IGF2BP2: variants seen among roughly 807,000 people sequenced by gnomAD.
IGF2BP2 encodes insulin like growth factor 2 mRNA binding protein 2.
In IGF2BP2, 17 loss-of-function variants were observed where a neutral mutation model predicts 75.8. The ratio of observed to expected loss-of-function variants is 0.22; its 90% CI spans 0.15 to 0.34. The LOEUF (loss-of-function observed/expected upper bound fraction) is 0.34. Among genes scored for constraint, IGF2BP2 ranks in the 10% least tolerant of loss-of-function variants. The probability of loss-of-function intolerance (pLI) is 1.00; values close to 1 mark genes in which losing one functional copy is unlikely to be tolerated. For synonymous variants in IGF2BP2, 288 were observed against 295.6 expected (o/e 0.97, Z 0.26); for missense variants, 516 against 772.4 (o/e 0.67, Z 3.93).
Position 185,647,604 on chromosome 3 carries a change from A to C in IGF2BP2, c.1594-466T>G, listed in dbSNP as rs1713815890. On this transcript the variant is annotated intron_variant, in intron 14 of 15. Coordinates refer to ENST00000382199, the MANE Select transcript of IGF2BP2 (RefSeq NM_006548.6). The surrounding 1 kb of genome is among the most constrained non-coding windows in gnomAD (Gnocchi z 4.9). ...CTGCTGTTCCCTCCTCCTCGTTTTCACTCCTGCCGCCAAGACTTGCTCATG... is the reference window on the plus strand; with the variant it reads ...CTGCTGTTCCCTCCTCCTCGTTTTCCCTCCTGCCGCCAAGACTTGCTCATG... 6.7e-6 allele frequency among the ~76,000 whole-genome samples: 1 copy of C among 149,960 alleles called. No individual in the cohort carries two copies. Among genetic ancestry groups the C allele is most frequent in the African/African-American group, 2.5e-5 (1 of 40,674 alleles).
intron 2 of IGF2BP2, chr3:185,716,767 C>T (rs747823788): frequency 1.9e-6 from 1 of 519,674 alleles, no homozygotes; most frequent in East Asian, 5.4e-5. Context: ...GGGAGGACAT[C>T]CTTCATTTCC....
At chr3:185,771,774 T>C (rs1733908248) in intron 2 of IGF2BP2, among the ~76,000 whole-genome samples, 1 of 152,188 alleles carries the variant, frequency 6.6e-6, no homozygotes, top group African/African-American at 2.4e-5. Flanking sequence ...TCAAATACTA[T>C]GAGCTTACTT....
intron 12 of IGF2BP2, among the ~76,000 whole-genome samples, chr3:185,654,823 T>C (rs1327766558): frequency 1.3e-5 from 2 of 152,216 alleles, no homozygotes; most frequent in East Asian, 3.9e-4. Flanking sequence ...GGAAGCCTGT[T>C]CTACAGGAAA....
At chr3:185,784,631 A>G (rs962220447) in intron 2 of IGF2BP2, among the ~76,000 whole-genome samples, 1 of 152,252 alleles carries the variant, frequency 6.6e-6, no homozygotes, top group Non-Finnish European at 1.5e-5. Flanking sequence ...CCTGCTATTC[A>G]TCATCATCAA....
intron 2 of IGF2BP2, among the ~76,000 whole-genome samples, chr3:185,788,235 T>A (rs1736152208): frequency 6.6e-6 from 1 of 152,178 alleles, no homozygotes; most frequent in Non-Finnish European, 1.5e-5. Context: ...AGTTGTATGT[T>A]TCAGCCAGGT....
chr3:185,800,081 T>C (rs1737999180), intron 2 of IGF2BP2, among the ~76,000 whole-genome samples: 2 of 152,168 alleles, frequency 1.3e-5, no homozygotes, highest in Admixed American at 6.5e-5. Flanking sequence ...ATATACACCA[T>C]GGAATACTAT....
chr3:185,757,936 A>C (rs565360120), intron 2 of IGF2BP2, among the ~76,000 whole-genome samples: 1 of 152,360 alleles, frequency 6.6e-6, no homozygotes, highest in African/African-American at 2.4e-5. Flanking sequence ...TTATATAGCC[A>C]AGTCAACTGG....
chr3:185,802,178 GAA>G (rs903857429), intron 2 of IGF2BP2, among the ~76,000 whole-genome samples: 1 of 147,488 alleles, frequency 6.8e-6, no homozygotes, highest in South Asian at 2.1e-4. Flanking sequence ...CTTAAAATTA[GAA>G]AAAAAAAAGA....
chr3:185,813,961 G>T (rs1386986234), intron 2 of IGF2BP2: 1 of 152,198 alleles, frequency 6.6e-6, no homozygotes, highest in Non-Finnish European at 1.5e-5. Flanking sequence ...CTTTTTTGGG[G>T]CAGGGCAACC....
At chr3:185,694,451 T>C (rs757867576) in intron 4 of IGF2BP2, among the ~76,000 whole-genome samples, 2 of 152,254 alleles carry the variant, frequency 1.3e-5, no homozygotes, top group East Asian at 1.9e-4. Context: ...TCTTTGATTC[T>C]GTGACGAGCT....
intron 15 of IGF2BP2, among the ~76,000 whole-genome samples, chr3:185,646,527 G>A (rs887163581): frequency 3.3e-5 from 5 of 152,260 alleles, no homozygotes; most frequent in African/African-American, 7.2e-5. Flanking sequence ...AAAGAGAAGC[G>A]GCTGTGTGGA....
intron 2 of IGF2BP2, among the ~76,000 whole-genome samples, chr3:185,769,608 CAGA>C (rs1733591305): frequency 6.6e-6 from 1 of 151,840 alleles, no homozygotes; most frequent in South Asian, 2.1e-4. Context: ...AGGTTTGAGG[CAGA>C]AGGATAGCTT....
intron 3 of IGF2BP2, among the ~76,000 whole-genome samples, chr3:185,696,892 C>G (rs777330864): frequency 6.6e-5 from 10 of 152,212 alleles, no homozygotes; most frequent in Non-Finnish European, 1.5e-4. Context: ...TAAGGTTACA[C>G]AGCAGAATTT....
At chr3:185,802,909 C>A (rs1479191766) in intron 2 of IGF2BP2, among the ~76,000 whole-genome samples, 1 of 152,202 alleles carries the variant, frequency 6.6e-6, no homozygotes, top group East Asian at 1.9e-4. Flanking sequence ...GGGTAAGCCA[C>A]CCGCCCGGCC....
intron 2 of IGF2BP2, among the ~76,000 whole-genome samples, chr3:185,701,482 A>G (rs1017965521): frequency 6.6e-6 from 1 of 152,126 alleles, no homozygotes; most frequent in Non-Finnish European, 1.5e-5. Flanking sequence ...AATCTAATAC[A>G]AGTAAAAGTC....
chr3:185,675,948 T>A, intron 7 of IGF2BP2, 35 bp from the exon 8 acceptor site: 1 of 1,610,448 alleles, frequency 6.2e-7, no homozygotes, highest in Non-Finnish European at 8.5e-7. Context: ...ACACTTCAGA[T>A]ACGTATAACG....
chr3:185,665,329 G>GAGGAGGAGGAGGAGA lies in IGF2BP2; in HGVS notation c.1201-6935_1201-6921dup, dbSNP rs1306464134. 1.1e-3 allele frequency among the ~76,000 whole-genome samples: 102 copies of GAGGAGGAGGAGGAGA among 90,510 alleles called. 2 individuals are homozygous for GAGGAGGAGGAGGAGA. The highest frequency in any genetic ancestry group is 1.3e-3 in the Non-Finnish European group (56 of 44,278). 59.4% of individuals were successfully genotyped at this position (90,510 alleles called of 152,430 possible). ...GAAGGAGCAGAAGGAGAAGGAGGAG[G>GAGGAGGAGGAGGAGA]AGGAGGAGGAGGAGAAGGAGGAGGA... On this transcript the variant is annotated intron_variant, in intron 10 of 15. Transcript: ENST00000382199.
At chr3:185,749,288 T>C (rs1730659148) in intron 2 of IGF2BP2, among the ~76,000 whole-genome samples, 1 of 152,258 alleles carries the variant, frequency 6.6e-6, no homozygotes, top group Admixed American at 6.5e-5. Flanking sequence ...GTCTACTAGT[T>C]TATTTATCAG....
At chr3:185,663,458 G>T (rs77637892) in intron 10 of IGF2BP2, among the ~76,000 whole-genome samples, 3 of 152,114 alleles carry the variant, frequency 2.0e-5, no homozygotes, top group Non-Finnish European at 2.9e-5. Context: ...TGACTCTTCT[G>T]GGGGGTAGGT....
Sources: allele counts gnomAD v4.1 joint callset (sites outside exome capture counted in the v4.1 genomes callset), GRCh38; gene constraint gnomAD v4.1.1; non-coding constraint Gnocchi (gnomAD v3.1); transcripts MANE v1.5; gene names NCBI Gene and HGNC (gene_info 2026-07-23, HGNC 2026-07-21).